PRR16: variants seen among roughly 807,000 people sequenced by gnomAD.
PRR16 encodes the protein protein Largen.
A neutral mutation model predicts 18.2 loss-of-function variants in PRR16; 6 were observed. The observed-to-expected ratio is 0.33, with a 90% CI of 0.18 to 0.65. The LOEUF is 0.65. PRR16 is among the 30% of genes least tolerant of loss of function. The pLI is 0.74. For missense variants in PRR16, 412 were observed against 376.6 expected, an observed-to-expected ratio of 1.09 and a Z score of -0.78; for synonymous variants, 151 against 147.8, an observed-to-expected ratio of 1.02 and a Z score of -0.16.
chr5:120,610,112 G>A (rs1024078895), intron 1 of PRR16, among the ~76,000 whole-genome samples: 6 of 152,074 alleles, frequency 3.9e-5, no homozygotes, highest in Non-Finnish European at 5.9e-5. Flanking sequence ...TTTCCTTTTC[G>A]GTGGGGGGAA....
the PRR16 span, among the ~76,000 whole-genome samples, chr5:120,764,724 A>C: frequency 2.0e-5 from 3 of 152,138 alleles, no homozygotes; most frequent in Non-Finnish European, 4.4e-5. Context: ...GAAGTTCTTA[A>C]TTAAGCACCT....
chr5:120,586,876 G>A lies in PRR16; in HGVS notation c.160-99078G>A, dbSNP rs113185957. Among the ~76,000 whole-genome samples, 1,512 of 152,280 alleles carry A rather than the reference G, an allele frequency of 9.9e-3. 6 individuals carry two copies. Among genetic ancestry groups the A allele is most frequent in the Non-Finnish European group, 0.014 (941 of 68,024 alleles). On this transcript the variant is annotated intron_variant, in intron 1 of 1. Coordinates refer to ENST00000407149, the MANE Select transcript of PRR16 (RefSeq NM_001300783.2). ...TGGAAATGATTAAACTTAGTGAGGA[G>A]GGCATGTCTAAAGCCAAGACAGGCC...
At chr5:120,761,697 T>A in the PRR16 span, among the ~76,000 whole-genome samples, 1 of 152,110 alleles carries the variant, frequency 6.6e-6, no homozygotes, top group East Asian at 1.9e-4. Flanking sequence ...AGATATACAT[T>A]ATCATTTCTA....
chr5:120,665,916 G>T (rs1236024870), intron 1 of PRR16, among the ~76,000 whole-genome samples: 5 of 152,094 alleles, frequency 3.3e-5, no homozygotes, highest in Non-Finnish European at 5.9e-5. Context: ...TGTTCTTTTG[G>T]CTTAGGATTG....
the PRR16 span, among the ~76,000 whole-genome samples, chr5:120,752,854 A>G: frequency 1.3e-5 from 2 of 151,782 alleles, no homozygotes; most frequent in Non-Finnish European, 2.9e-5. Context: ...TGAAGTTTCA[A>G]TAATGTATAT....
At chr5:120,505,446 G>T (rs1046588854) in intron 1 of PRR16, among the ~76,000 whole-genome samples, 13 of 152,140 alleles carry the variant, frequency 8.5e-5, no homozygotes, top group Non-Finnish European at 1.9e-4. Context: ...CTTCCCAAAT[G>T]GGCTCCTTTG....
chr5:120,752,716 G>C, the PRR16 span, among the ~76,000 whole-genome samples: 1 of 151,746 alleles, frequency 6.6e-6, no homozygotes, highest in African/African-American at 2.4e-5. Context: ...ATGATATTTG[G>C]TTATAAGTTT....
At chr5:120,625,736 G>T (rs1270256212) in intron 1 of PRR16, among the ~76,000 whole-genome samples, 1 of 152,122 alleles carries the variant, frequency 6.6e-6, no homozygotes, top group African/African-American at 2.4e-5. Flanking sequence ...CCTCTTAGTA[G>T]GACAATAGAG....
At chr5:120,581,127 T>G (rs193013070) in intron 1 of PRR16, among the ~76,000 whole-genome samples, 58 of 152,318 alleles carry the variant, frequency 3.8e-4, no homozygotes, top group Non-Finnish European at 6.0e-4. Flanking sequence ...TCTGGTAGAA[T>G]TCACCTGTAA....
intron 1 of PRR16, among the ~76,000 whole-genome samples, chr5:120,676,812 C>T (rs1468044798): frequency 1.3e-5 from 2 of 151,988 alleles, no homozygotes; most frequent in Non-Finnish European, 2.9e-5. Flanking sequence ...TTCTAGTCTT[C>T]CCTTTGGAAA....
chr5:120,585,531 A>C (rs780421987), intron 1 of PRR16, among the ~76,000 whole-genome samples: 1 of 151,984 alleles, frequency 6.6e-6, no homozygotes, highest in East Asian at 1.9e-4. Context: ...AGACAGGAGA[A>C]TCTCTTGAAC....
the PRR16 span, among the ~76,000 whole-genome samples, chr5:120,746,124 C>T: frequency 6.7e-6 from 1 of 148,340 alleles, no homozygotes; most frequent in South Asian, 2.1e-4. Context: ...TTTCTAAAAG[C>T]TTTTTTTTTT....
the PRR16 span, among the ~76,000 whole-genome samples, chr5:120,754,792 C>G: frequency 2.6e-3 from 384 of 150,178 alleles, 3 homozygotes; most frequent in Non-Finnish European, 3.2e-3. Flanking sequence ...ATTGCTAACT[C>G]TATACCATTG....
At chr5:120,758,429 T>C in the PRR16 span, among the ~76,000 whole-genome samples, 1 of 152,150 alleles carries the variant, frequency 6.6e-6, no homozygotes, top group African/African-American at 2.4e-5. Context: ...TTCATTCTGT[T>C]GTAGAGCATG....
intron 1 of PRR16, among the ~76,000 whole-genome samples, chr5:120,629,260 C>G (rs1022179422): frequency 6.6e-6 from 1 of 151,534 alleles, no homozygotes; most frequent in Non-Finnish European, 1.5e-5. Context: ...GTATATATAC[C>G]ACATTTATTT....
At chr5:120,599,594 C>A (rs1191064227) in intron 1 of PRR16, among the ~76,000 whole-genome samples, 1 of 151,876 alleles carries the variant, frequency 6.6e-6, no homozygotes, top group Non-Finnish European at 1.5e-5. Flanking sequence ...AACATCTTTA[C>A]TTGGAGTGAC....
intron 1 of PRR16, among the ~76,000 whole-genome samples, chr5:120,683,629 T>C (rs1757037996): frequency 6.6e-6 from 1 of 152,192 alleles, no homozygotes; most frequent in African/African-American, 2.4e-5. Flanking sequence ...CCTGAGTTTA[T>C]TTATGTATAG....
chr5:120,551,072 C>T (rs1234531116), intron 1 of PRR16, among the ~76,000 whole-genome samples: 3 of 151,914 alleles, frequency 2.0e-5, no homozygotes, highest in Non-Finnish European at 2.9e-5. Flanking sequence ...AATCTACTCT[C>T]TTAAAAATTT....
chr5:120,571,064 A>G (rs767670638), intron 1 of PRR16, among the ~76,000 whole-genome samples: 22 of 152,138 alleles, frequency 1.4e-4, no homozygotes, highest in Non-Finnish European at 2.4e-4. Context: ...CTCTTAGAAG[A>G]CGGCATTTGA....
Sources: gnomAD v4.1 joint callset for allele counts (sites outside exome capture counted in the v4.1 genomes callset) on GRCh38, gnomAD v4.1.1 for gene constraint, MANE v1.5 for transcripts, NCBI Gene and HGNC (gene_info 2026-07-23, HGNC 2026-07-21) for gene names.